The following OSR2 variants were observed in gnomAD, a reference collection of about 807,000 sequenced individuals.
OSR2 encodes protein odd-skipped-related 2.
OSR2 carries 8 observed loss-of-function variants against 22.3 expected under a neutral mutation model. The ratio of observed to expected loss-of-function variants is 0.36; its 90% confidence interval spans 0.21 to 0.65. The LOEUF is 0.65. Among genes scored for constraint, OSR2 ranks in the 30% least tolerant of loss-of-function variants. The pLI is 0.66. For missense variants in OSR2, 311 were observed against 413.4 expected, an observed-to-expected ratio of 0.75 and a Z score of 2.15; for synonymous variants, 179 against 173.8, an observed-to-expected ratio of 1.03 and a Z score of -0.23.
chr8:98,948,579 C>A lies in OSR2; in HGVS notation c.-114-260C>A. ...CGAGGAGTCTTCCGCTCCGTATCTGCCTAGAGTCTGAATCCGACTTTCTTT... is the reference window on the plus strand; with the variant it reads ...CGAGGAGTCTTCCGCTCCGTATCTGACTAGAGTCTGAATCCGACTTTCTTT... On this transcript the variant is annotated intron_variant, in intron 1 of 3. Coordinates refer to ENST00000297565, the MANE Select transcript of OSR2 (RefSeq NM_001142462.3). This position sits in a 1 kb window ranked among gnomAD's most constrained non-coding sequence, Gnocchi z 6.0. 8.9e-7 allele frequency: 1 copy of A among 1,120,066 alleles called. No homozygotes were observed. Among genetic ancestry groups the A allele is most frequent in the Non-Finnish European group, 1.2e-6 (1 of 816,792 alleles). 69.4% of individuals were successfully genotyped at this position (1,120,066 alleles called of 1,614,324 possible).
intron 3 of OSR2, 86 bp downstream of exon 3, chr8:98,950,841 C>A (rs1179243823): frequency 8.4e-6 from 7 of 830,876 alleles, no homozygotes; most frequent in Non-Finnish European, 1.4e-5. Flanking sequence ...CAGACTCTTT[C>A]TCTTAAAAGG....
rs891103822 is a variant in OSR2, at chr8:98,948,731, G to A, written c.-114-108G>A. 2 of 1,325,350 alleles carry A rather than the reference G, an allele frequency of 1.5e-6. No homozygotes were observed. The highest frequency in any genetic ancestry group is 1.5e-5 in the South Asian group (1 of 66,524). The allele number at this position is 1,325,350 out of a possible 1,614,324, so 82.1% of individuals were successfully genotyped here. A position where few individuals can be genotyped will look rare whatever the true frequency, so the allele number is the denominator to read the frequency against. ...CGGCTTTCGGGGGGTCTTGGAGTCG[G>A]GTGGGGAGGGAGACTTAGGTGTGGT... On this transcript the variant is annotated intron_variant, in intron 1 of 3. Transcript: ENST00000297565. This position sits in a 1 kb window ranked among gnomAD's most constrained non-coding sequence, Gnocchi z 6.0.
Position 98,951,892 on chromosome 8 carries a change from T to C in OSR2, c.*191T>C. 1.7e-6 allele frequency: 1 copy of C among 578,588 alleles called. No homozygotes were observed. Among genetic ancestry groups the C allele is most frequent in the Non-Finnish European group, 3.1e-6 (1 of 326,918 alleles). 35.8% of individuals were successfully genotyped at this position (578,588 alleles called of 1,614,324 possible). A position where few individuals can be genotyped will look rare whatever the true frequency, so the allele number is the denominator to read the frequency against. On this transcript the variant is annotated 3_prime_UTR_variant, in exon 4 of 4. Coordinates refer to ENST00000297565, the MANE Select transcript of OSR2 (RefSeq NM_001142462.3). Reference sequence around the variant, plus strand: ...AGAACTGTAGAAAGCCACACACTACTACATCCCTTCACAAAGAGTATATGC... The same window carrying C: ...AGAACTGTAGAAAGCCACACACTACCACATCCCTTCACAAAGAGTATATGC...
At chr8:98,945,922 A>G (rs1011459334) in intron 1 of OSR2, 2 of 152,224 alleles carry the variant, frequency 1.3e-5, no homozygotes, top group African/African-American at 2.4e-5. Context: ...TAGCAGATGA[A>G]CCCTGACTGT....
At position 98,952,068 on chromosome 8, in the gene OSR2, T is replaced by C. The variant is rs1840800150; in HGVS notation, c.*367T>C. 5.8e-6 allele frequency: 1 copy of C among 172,044 alleles called. No homozygotes were observed. Among genetic ancestry groups the C allele is most frequent in the East Asian group, 1.5e-4 (1 of 6,464 alleles). The allele number at this position is 172,044 out of a possible 1,614,324, so 10.7% of individuals were successfully genotyped here. On this transcript the variant is annotated 3_prime_UTR_variant, in exon 4 of 4. Coordinates refer to ENST00000297565, the MANE Select transcript of OSR2 (RefSeq NM_001142462.3). Reference sequence around the variant, plus strand: ...AATTTTATCTTTAAAGACTGTATTTTCAAAATAAAACTTTTTCTTGTTTGT... The same window carrying C: ...AATTTTATCTTTAAAGACTGTATTTCCAAAATAAAACTTTTTCTTGTTTGT...
intron 2 of OSR2, among the ~76,000 whole-genome samples, chr8:98,950,347 T>C (rs749006293): frequency 7.2e-5 from 11 of 152,094 alleles, no homozygotes; most frequent in Non-Finnish European, 1.2e-4. Flanking sequence ...TACATCCTGA[T>C]TTGGCCAATT....
intron 3 of OSR2, among the ~76,000 whole-genome samples, 164 bp from the exon 4 acceptor site, chr8:98,951,355 A>C (rs1055763554): frequency 6.6e-6 from 1 of 152,172 alleles, no homozygotes; most frequent in Non-Finnish European, 1.5e-5. Flanking sequence ...GTGTATTTTC[A>C]TGATTGGAAG....
At position 98,948,908 on chromosome 8, in the gene OSR2, T is replaced by A; in HGVS notation, c.-45T>A. On this transcript the variant is annotated 5_prime_UTR_variant, in exon 2 of 4. Transcript: ENST00000297565. This position sits in a 1 kb window ranked among gnomAD's most constrained non-coding sequence, Gnocchi z 6.0. ...CCCACGCCCTCCGGCCTCTGATTCC[T>A]GGAAGAAAGGGTTGGTCCCCTCAGC... 6.2e-7 allele frequency: 1 copy of A among 1,613,560 alleles called. No homozygotes were observed. The highest frequency in any genetic ancestry group is 1.7e-5 in the Admixed American group (1 of 60,032).
chr8:98,945,388 T>G (rs1479507295), intron 1 of OSR2, among the ~76,000 whole-genome samples: 2 of 152,204 alleles, frequency 1.3e-5, no homozygotes, highest in African/African-American at 4.8e-5. Flanking sequence ...ACGCTCGGAT[T>G]CCTGAGAAAC....
In OSR2 at chr8:98,949,516, C is replaced by G; in HGVS notation, c.564C>G (p.Leu188=). ...GRHFTKSYNL[L]IHERTHTDER... is the part of the protein sequence containing the mutation. ...ACTTTACCAAATCCTACAATTTGCT[C>G]ATCCATGAGAGGACCCACACGGACG... The change falls in exon 2 of 4, where the codon CTC becomes CTG. Residue 188 remains leucine (L), a synonymous_variant. Transcript: ENST00000297565. The surrounding 1 kb of genome is among the most constrained non-coding windows in gnomAD (Gnocchi z 5.9). The G allele has an allele frequency of 6.2e-7, 1 of 1,614,128 alleles. No individual in the cohort carries two copies. Among genetic ancestry groups the G allele is most frequent in the Non-Finnish European group, 8.5e-7 (1 of 1,179,988 alleles).
rs1840681894 is a variant in OSR2 at position 98,948,626 on chromosome 8, G to A, written c.-114-213G>A. On this transcript the variant is annotated intron_variant, in intron 1 of 3. Coordinates refer to ENST00000297565, the MANE Select transcript of OSR2 (RefSeq NM_001142462.3). This position sits in a 1 kb window ranked among gnomAD's most constrained non-coding sequence, Gnocchi z 6.0. ...CTTTCCTTTGGGCACGCGCTCGCCA[G>A]TGGAGCACTTCTTGTTCTGGCCCCG... 1.2e-5 allele frequency: 12 copies of A among 973,838 alleles called. No individual in the cohort carries two copies. In the African/African-American group the frequency reaches 1.5e-4, roughly 12 times the overall value. The allele number at this position is 973,838 out of a possible 1,614,324, so 60.3% of individuals were successfully genotyped here. A position where few individuals can be genotyped will look rare whatever the true frequency, so the allele number is the denominator to read the frequency against.
rs1000129398 is a variant in OSR2, at chr8:98,944,489, C to G, written c.-449C>G. The G allele has an allele frequency of 1.3e-5, 2 of 152,324 alleles. No homozygotes were observed. Among genetic ancestry groups the G allele is most frequent in the Non-Finnish European group, 2.9e-5 (2 of 68,156 alleles). 9.4% of individuals were successfully genotyped at this position (152,324 alleles called of 1,614,324 possible). On this transcript the variant is annotated 5_prime_UTR_variant, in exon 1 of 4. Transcript: ENST00000297565. ...GGGACGGAGCTCGGCGTGCTTGCTG[C>G]TGGAGGGTGATGGCCCTGCAAGGCT...
In OSR2 at chr8:98,950,754, A is replaced by G; in HGVS notation, c.755A>G (p.Gln252Arg). ...GCAGTTCACAAAACTTTACACATGC[A>G]GGTAAGTTTGTTTTCTTGTTTAAAA... ...TLAVHKTLHM[Q>R]ESPHKCPTCG... Residue 252 changes from glutamine (Q) to arginine (R), a missense_variant and splice_region_variant, in exon 3 of 4, where the codon CAG becomes CGG. Physicochemically the swap from Gln to Arg is conservative, Grantham distance 43. This residue lies in a region of OSR2 where 70 missense variants were observed against 84.5 expected (regional missense o/e 0.83). Coordinates refer to ENST00000297565, the MANE Select transcript of OSR2 (RefSeq NM_001142462.3). 1 of 1,603,952 alleles carries G rather than the reference A, an allele frequency of 6.2e-7. No homozygotes were observed. Among genetic ancestry groups the G allele is most frequent in the South Asian group, 1.1e-5 (1 of 90,040 alleles).
rs1477372791 is a variant in OSR2 at position 98,949,862 on chromosome 8, GTCCTGGGATGGTTA to G, written c.656+260_656+273del. On this transcript the variant is annotated intron_variant, in intron 2 of 3. Transcript: ENST00000297565. This position sits in a 1 kb window ranked among gnomAD's most constrained non-coding sequence, Gnocchi z 5.9. ...GGACAGGAACAATCTGTTGGCCTTA[GTCCTGGGATGGTTA>G]TCCTGTCTCCTCCCGGTGCTGTGGG... Among the ~76,000 whole-genome samples the G allele has an allele frequency of 1.3e-5, 2 of 152,172 alleles. No individual in the cohort carries two copies. Among genetic ancestry groups the G allele is most frequent in the East Asian group, 1.9e-4 (1 of 5,196 alleles).
intron 2 of OSR2, 113 bp from the exon 3 acceptor site, chr8:98,950,543 A>C (rs548536846): frequency 1.5e-6 from 1 of 684,870 alleles, no homozygotes; most frequent in Non-Finnish European, 2.4e-6. Context: ...TAAAAACGTA[A>C]ATGGAAATCT....
In OSR2 at chr8:98,949,647, G is replaced by GA. The variant is rs753757117; in HGVS notation, c.656+41dup. The GA allele has an allele frequency of 1.9e-6, 3 of 1,579,870 alleles. No homozygotes were observed. The highest frequency in any genetic ancestry group is 1.4e-5 in the African/African-American group (1 of 73,936). On this transcript the variant is annotated intron_variant, in intron 2 of 3. Coordinates refer to ENST00000297565, the MANE Select transcript of OSR2 (RefSeq NM_001142462.3). The surrounding 1 kb of genome is among the most constrained non-coding windows in gnomAD (Gnocchi z 5.9). ...GGAGGATGGCTGGGAGAGGGAAAGC[G>GA]AATTTGTCCTGGACACACCGAGTCC...
rs773477860 is a variant in OSR2, at chr8:98,951,687, C to A, written c.925C>A (p.Arg309=). ...LRRHSLTHTP[R]QDF ...GCGGCACAGCCTGACTCACACCCCG[C>A]GGCAGGACTTCTAGAGAAGCCCAGG... Residue 309 remains arginine, a synonymous_variant, in exon 4 of 4, where the codon CGG becomes AGG. Coordinates refer to ENST00000297565, the MANE Select transcript of OSR2 (RefSeq NM_001142462.3). 1.9e-6 allele frequency: 3 copies of A among 1,613,208 alleles called. No homozygotes were observed. Among genetic ancestry groups the A allele is most frequent in the East Asian group, 2.2e-5 (1 of 44,854 alleles).
In OSR2 at chr8:98,950,165, A is replaced by G. The variant is rs117137549; in HGVS notation, c.657-491A>G. ...AATACAAGGCAATTGAAGGCATTCA[A>G]TAATGTAAGTGTTATCATTGGGTAA... On this transcript the variant is annotated intron_variant, in intron 2 of 3. Transcript: ENST00000297565. 8.9e-3 allele frequency among the ~76,000 whole-genome samples: 1,351 copies of G among 152,292 alleles called. 7 individuals carry two copies. Among genetic ancestry groups the G allele is most frequent in the Non-Finnish European group, 0.014 (955 of 68,020 alleles).
At chr8:98,947,619 G>T (rs1840646428) in intron 1 of OSR2, among the ~76,000 whole-genome samples, 2 of 152,206 alleles carry the variant, frequency 1.3e-5, no homozygotes, top group South Asian at 4.1e-4. Context: ...TGTAGGTGAG[G>T]TGATCCCGGG....
Sources: gnomAD v4.1 joint callset for allele counts (sites outside exome capture counted in the v4.1 genomes callset) on GRCh38, gnomAD v4.1.1 for gene constraint, gnomAD v4.1.1 regional missense constraint, Gnocchi (gnomAD v3.1) non-coding constraint, MANE v1.5 for transcripts, NCBI Gene and HGNC (gene_info 2026-07-23, HGNC 2026-07-21) for gene names.